Variants in NFIA observed in about 807,000 individuals in gnomAD.
The protein encoded by NFIA is nuclear factor I A.
NFIA carries 8 observed loss-of-function variants against 62.8 expected under a neutral mutation model. That is an observed-to-expected ratio of 0.13 (90% CI 0.07 to 0.23). NFIA has a LOEUF of 0.23. NFIA is among the 10% of genes least tolerant of loss of function. The probability of loss-of-function intolerance (pLI) is 1.00; values close to 1 mark genes in which losing one functional copy is unlikely to be tolerated. For missense variants in NFIA, 410 were observed against 642.1 expected, an observed-to-expected ratio of 0.64 and a Z score of 3.91; for synonymous variants, 235 against 238.1, an observed-to-expected ratio of 0.99 and a Z score of 0.12.
rs1569789773 is a variant in NFIA at position 61,406,543 on chromosome 1, G to T, written c.1255-19G>T. On this transcript the variant is annotated intron_variant, in intron 8 of 10. Coordinates refer to ENST00000403491, the MANE Select transcript of NFIA (RefSeq NM_001134673.4). ...TCTTTTTCTTGTACGTGTGTTTTCT[G>T]CCCCCCCCCCCCCCACAGCCCAATG... 4.7e-5 allele frequency: 41 copies of T among 877,342 alleles called. No homozygotes were observed. Among genetic ancestry groups the T allele is most frequent in the South Asian group, 1.6e-4 (8 of 49,200 alleles). 54.3% of individuals were successfully genotyped at this position (877,342 alleles called of 1,614,324 possible).
upstream of NFIA, chr1:61,082,529 C>A: frequency 7.3e-7 from 1 of 1,377,472 alleles, no homozygotes; most frequent in Non-Finnish European, 9.4e-7. Flanking sequence ...GTACAGTAGG[C>A]ATGTATAGTG....
chr1:61,177,609 A>C (rs1570320604), intron 2 of NFIA, among the ~76,000 whole-genome samples: 1 of 151,746 alleles, frequency 6.6e-6, no homozygotes, highest in African/African-American at 2.4e-5. Context: ...ATAAAAGGTT[A>C]TGTTATATTT....
intron 2 of NFIA, among the ~76,000 whole-genome samples, chr1:61,255,134 T>G (rs1407483142): frequency 6.6e-6 from 1 of 152,144 alleles, no homozygotes; most frequent in Non-Finnish European, 1.5e-5. Flanking sequence ...TTTGTAGAGC[T>G]CTGTTTCTGT....
chr1:61,397,439 C>A (rs1665334970), intron 7 of NFIA, among the ~76,000 whole-genome samples: 1 of 152,148 alleles, frequency 6.6e-6, no homozygotes, highest in African/African-American at 2.4e-5. Context: ...ACAAGTACCT[C>A]TTGTTCCATC....
At position 61,136,009 on chromosome 1, in the gene NFIA, T is replaced by G. The variant is rs537872878; in HGVS notation, c.559+47329T>G. Among the ~76,000 whole-genome samples, 5 of 152,372 alleles carry G rather than the reference T, an allele frequency of 3.3e-5. No individual in the cohort carries two copies. The South Asian group carries it at 1.0e-3, about 32-fold the overall frequency. On this transcript the variant is annotated intron_variant, in intron 2 of 10. Transcript: ENST00000403491. The stretch of plus-strand genomic sequence containing the variant: ...GCATACATGTAGCTTAAAATATATG[T>G]TGCTTATTGAAAGCATTGTTTAAGT...
intron 2 of NFIA, among the ~76,000 whole-genome samples, chr1:61,131,181 T>G (rs1647066753): frequency 6.7e-6 from 1 of 150,052 alleles, no homozygotes; most frequent in Non-Finnish European, 1.5e-5. Context: ...TTTTGCTAAA[T>G]CTTTCTTTTT....
chr1:61,332,722 G>A (rs918560945), intron 4 of NFIA, 136 bp downstream of exon 4: 5 of 641,852 alleles, frequency 7.8e-6, no homozygotes, highest in Non-Finnish European at 1.3e-5. Flanking sequence ...TTGACACACA[G>A]TTTGTTTGAC....
At chr1:61,117,752 G>C (rs889937050) in intron 2 of NFIA, among the ~76,000 whole-genome samples, 1 of 152,142 alleles carries the variant, frequency 6.6e-6, no homozygotes, top group Non-Finnish European at 1.5e-5. Context: ...TATTTATTGA[G>C]CACCTGCTGG....
chr1:61,178,533 A>G (rs189345969), intron 2 of NFIA, among the ~76,000 whole-genome samples: 36 of 152,276 alleles, frequency 2.4e-4, no homozygotes, highest in African/African-American at 6.3e-4. Context: ...TTGCTGAAGG[A>G]TATGTGTAAC....
Position 61,462,345 on chromosome 1 carries a change from A to G in NFIA, c.*7025A>G, listed in dbSNP as rs1160175774. 1 of 151,960 alleles carries G rather than the reference A, an allele frequency of 6.6e-6. No individual in the cohort carries two copies. Among genetic ancestry groups the G allele is most frequent in the Admixed American group, 6.6e-5 (1 of 15,250 alleles). The allele number at this position is 151,960 out of a possible 1,614,324, so 9.4% of individuals were successfully genotyped here. A position where few individuals can be genotyped will look rare whatever the true frequency, so the allele number is the denominator to read the frequency against. On this transcript the variant is annotated 3_prime_UTR_variant, in exon 11 of 11. Transcript: ENST00000403491. ...CTCACCAGAGCAAAATTCACTGGGG[A>G]CTTTTCCCACCACACATGGAAATCT...
chr1:61,300,521 A>C (rs1397905304), intron 3 of NFIA, among the ~76,000 whole-genome samples: 1 of 152,104 alleles, frequency 6.6e-6, no homozygotes, highest in Non-Finnish European at 1.5e-5. Flanking sequence ...TAGCCCACAG[A>C]AATTTATTTA....
intron 7 of NFIA, among the ~76,000 whole-genome samples, chr1:61,394,154 A>C (rs997950202): frequency 1.3e-5 from 2 of 152,110 alleles, no homozygotes; most frequent in South Asian, 2.1e-4. Context: ...AAGCCTTTCA[A>C]ATTGCGCTAT....
intron 2 of NFIA, among the ~76,000 whole-genome samples, chr1:61,192,781 G>GT (rs1206452303): frequency 1.3e-5 from 2 of 152,090 alleles, no homozygotes; most frequent in Non-Finnish European, 2.9e-5. Flanking sequence ...TTCATTTACT[G>GT]TAAGTGCCGA....
At chr1:61,444,548 C>T (rs1178359652) in intron 10 of NFIA, among the ~76,000 whole-genome samples, 4 of 152,200 alleles carry the variant, frequency 2.6e-5, no homozygotes, top group Non-Finnish European at 5.9e-5. Context: ...TAAACCTGAA[C>T]TTGAACTTGT....
chr1:61,413,285 G>A (rs899478611), intron 9 of NFIA, among the ~76,000 whole-genome samples: 2 of 152,084 alleles, frequency 1.3e-5, no homozygotes, highest in African/African-American at 4.8e-5. Flanking sequence ...AATAATCTAT[G>A]ACTGGGATTT....
chr1:61,349,071 C>T (rs1321697140), intron 4 of NFIA, among the ~76,000 whole-genome samples: 1 of 152,172 alleles, frequency 6.6e-6, no homozygotes, highest in Admixed American at 6.5e-5. Context: ...TCATATTTGA[C>T]TAATCTCCCC....
At chr1:61,371,761 A>G (rs1455599108) in intron 6 of NFIA, among the ~76,000 whole-genome samples, 1 of 152,188 alleles carries the variant, frequency 6.6e-6, no homozygotes, top group Non-Finnish European at 1.5e-5. Flanking sequence ...GTGGAAAGAC[A>G]AAGACAGAGA....
intron 2 of NFIA, among the ~76,000 whole-genome samples, chr1:61,177,653 TTGTG>T (rs56299869): frequency 0.024 from 3,573 of 146,108 alleles, 149 homozygotes; most frequent in East Asian, 0.19. Flanking sequence ...GTTTTCTCTA[TTGTG>T]TGTGTGTGTG....
At chr1:61,233,516 G>A (rs1426141504) in intron 2 of NFIA, among the ~76,000 whole-genome samples, 1 of 152,174 alleles carries the variant, frequency 6.6e-6, no homozygotes, top group Non-Finnish European at 1.5e-5. Context: ...TGAAACTGGG[G>A]AAGTCAGAAG....
Sources: gnomAD v4.1 joint callset for allele counts (sites outside exome capture counted in the v4.1 genomes callset) on GRCh38, gnomAD v4.1.1 for gene constraint, MANE v1.5 for transcripts, NCBI Gene and HGNC (gene_info 2026-07-23, HGNC 2026-07-21) for gene names.